The following TNRC6B variants were observed in gnomAD, a reference collection of about 807,000 sequenced individuals.
The protein encoded by TNRC6B is trinucleotide repeat containing adaptor 6B.
A neutral mutation model predicts 203.6 loss-of-function variants in TNRC6B; 52 were observed. That is an observed-to-expected ratio of 0.26 (90% confidence interval 0.20 to 0.32). The LOEUF (loss-of-function observed/expected upper bound fraction) is 0.32, where lower values mean the gene tolerates loss of function less well. Ranked by LOEUF, TNRC6B falls within the 10% of genes least tolerant of loss-of-function variation. TNRC6B has a pLI of 1.00. For missense variants in TNRC6B, 1,923 were observed against 2,286.2 expected (o/e 0.84, Z 3.24); for synonymous variants, 838 against 845.7 (o/e 0.99, Z 0.16).
chr22:40,175,133 C>T (rs752915215), upstream of TNRC6B, among the ~76,000 whole-genome samples: 2 of 151,998 alleles, frequency 1.3e-5, no homozygotes, highest in East Asian at 1.9e-4. Flanking sequence ...CTGACGTGGG[C>T]AGATCACGAG....
chr22:40,170,399 T>C lies in TNRC6B; in HGVS notation c.113+14217T>C, dbSNP rs1378078965. Among the ~76,000 whole-genome samples the C allele has an allele frequency of 3.9e-5, 2 of 50,808 alleles. 1 individual carries two copies. The highest frequency in any genetic ancestry group is 1.3e-3 in the South Asian group (2 of 1,482). The allele number at this position is 50,808 out of a possible 152,430, so 33.3% of individuals were successfully genotyped here. On this transcript the variant is annotated intron_variant, in intron 4 of 23. Transcript: ENST00000301923. ...ATATTATATATATAGTTTATATATA[T>C]ATTATATATATAGTTTATATATATA...
At chr22:40,057,773 A>G (rs1416388092) in intron 1 of TNRC6B, among the ~76,000 whole-genome samples, 3 of 152,180 alleles carry the variant, frequency 2.0e-5, no homozygotes, top group South Asian at 4.1e-4. Context: ...AATCCAAAGT[A>G]AAAGATGAAA....
At chr22:40,255,822 A>G (rs1393453352) in intron 3 of TNRC6B, among the ~76,000 whole-genome samples, 1 of 152,030 alleles carries the variant, frequency 6.6e-6, no homozygotes, top group East Asian at 1.9e-4. Context: ...CTGTATGTCT[A>G]TTAATGCAGG....
chr22:40,183,895 G>T (rs2069169366), intron 1 of TNRC6B, among the ~76,000 whole-genome samples: 2 of 151,962 alleles, frequency 1.3e-5, no homozygotes, highest in Non-Finnish European at 2.9e-5. Flanking sequence ...CAGTGTTTCG[G>T]CATGTTGGCC....
intron 3 of TNRC6B, among the ~76,000 whole-genome samples, chr22:40,146,397 T>C (rs1466775590): frequency 7.7e-6 from 1 of 129,064 alleles, no homozygotes; most frequent in African/African-American, 4.1e-5. Context: ...ATGTGAGAAA[T>C]GCTGTCTTTT....
chr22:40,065,554 T>C (rs748624530), intron 1 of TNRC6B, among the ~76,000 whole-genome samples: 1 of 152,184 alleles, frequency 6.6e-6, no homozygotes, highest in Non-Finnish European at 1.5e-5. Context: ...TCTAGGAATT[T>C]GTCTATTTCA....
intron 3 of TNRC6B, among the ~76,000 whole-genome samples, chr22:40,131,695 A>T (rs1339422232): frequency 6.6e-6 from 1 of 152,216 alleles, no homozygotes; most frequent in African/African-American, 2.4e-5. Context: ...GCAGGAAGAA[A>T]GAATGTTAAA....
intron 4 of TNRC6B, among the ~76,000 whole-genome samples, chr22:40,170,344 A>G (rs1478057918): frequency 1.3e-5 from 1 of 76,312 alleles, no homozygotes; most frequent in East Asian, 3.0e-4. Context: ...TATATAGTTT[A>G]TATATATATT....
At chr22:40,065,129 G>C (rs1315541476) in intron 1 of TNRC6B, among the ~76,000 whole-genome samples, 1 of 151,558 alleles carries the variant, frequency 6.6e-6, no homozygotes, top group East Asian at 1.9e-4. Flanking sequence ...GTGGAGGGAG[G>C]GTTTGTAAAT....
intron 1 of TNRC6B, among the ~76,000 whole-genome samples, chr22:40,068,807 C>G (rs2067920486): frequency 9.9e-5 from 15 of 152,006 alleles, no homozygotes; most frequent in Admixed American, 9.8e-4. Flanking sequence ...TGGTCTCAAA[C>G]TCCTGGCCTG....
chr22:40,119,146 T>A (rs1324104842), intron 2 of TNRC6B, among the ~76,000 whole-genome samples: 2 of 152,196 alleles, frequency 1.3e-5, no homozygotes, highest in African/African-American at 4.8e-5. Flanking sequence ...CTGTAGGACA[T>A]TACTTGTATT....
At chr22:40,163,921 C>T (rs2068894890) in intron 4 of TNRC6B, among the ~76,000 whole-genome samples, 1 of 151,934 alleles carries the variant, frequency 6.6e-6, no homozygotes. Flanking sequence ...AGATCTTCGG[C>T]TCTATGAGGA....
At chr22:40,294,073 CAAAAAAAAAA>C (rs11354611) in intron 12 of TNRC6B, among the ~76,000 whole-genome samples, 7 of 80,304 alleles carry the variant, frequency 8.7e-5, no homozygotes, top group African/African-American at 2.0e-4. Flanking sequence ...CCCATCTCTA[CAAAAAAAAAA>C]AAAAAAAAAA....
rs375358597 is a variant in TNRC6B at position 40,106,958 on chromosome 22, T to G, written c.-120-10097T>G. The G allele has an allele frequency of 2.5e-5, 30 of 1,182,922 alleles. 2 individuals carry two copies. In the Admixed American group the frequency reaches 2.5e-4, roughly 10 times the overall value. 73.3% of individuals were successfully genotyped at this position (1,182,922 alleles called of 1,614,324 possible). ...CCTTTGAAGCATCTTTTGGGCAAAC[T>G]TCTTTCTCAGGCGCTTGATCTTCAG... On this transcript the variant is annotated intron_variant, in intron 1 of 23. Coordinates refer to the TNRC6B transcript ENST00000301923.
chr22:40,252,834 T>C (rs1047956196), intron 3 of TNRC6B, among the ~76,000 whole-genome samples: 2 of 152,202 alleles, frequency 1.3e-5, no homozygotes, highest in African/African-American at 4.8e-5. Context: ...ACATACTTTC[T>C]AGAAAAGGAT....
chr22:40,271,403 T>C (rs1004207815), intron 6 of TNRC6B, among the ~76,000 whole-genome samples: 1 of 152,250 alleles, frequency 6.6e-6, no homozygotes, highest in African/African-American at 2.4e-5. Flanking sequence ...TCAGTACTCT[T>C]ACAGTGCCAC....
chr22:40,107,476 G>T (rs756506874), intron 1 of TNRC6B, among the ~76,000 whole-genome samples: 1 of 151,966 alleles, frequency 6.6e-6, no homozygotes, highest in African/African-American at 2.4e-5. Flanking sequence ...GATCTGTCCC[G>T]TCTTGTTAAG....
chr22:40,209,746 C>T (rs1276401557), intron 1 of TNRC6B, among the ~76,000 whole-genome samples: 2 of 152,130 alleles, frequency 1.3e-5, no homozygotes, highest in Non-Finnish European at 2.9e-5. Flanking sequence ...GCAGGCCAGG[C>T]GCAGTGGCTC....
intron 11 of TNRC6B, among the ~76,000 whole-genome samples, chr22:40,281,783 A>G (rs1601486794): frequency 6.6e-6 from 1 of 152,216 alleles, no homozygotes; most frequent in East Asian, 1.9e-4. Context: ...GGAGAAGGGT[A>G]ACTTTAAATA....
Sources: gnomAD v4.1 joint callset for allele counts (sites outside exome capture counted in the v4.1 genomes callset) on GRCh38, gnomAD v4.1.1 for gene constraint, MANE v1.5 for transcripts, NCBI Gene and HGNC (gene_info 2026-07-23, HGNC 2026-07-21) for gene names.